PABPC4: variants seen among roughly 807,000 people sequenced by gnomAD.
The protein encoded by PABPC4 is poly(A) binding protein cytoplasmic 4, also known as polyadenylate-binding protein 4.
PABPC4 carries 15 observed loss-of-function variants against 74.5 expected under a neutral mutation model. That is an observed-to-expected ratio of 0.20 (90% CI 0.13 to 0.31). PABPC4 has a LOEUF of 0.31. PABPC4 is among the 10% of genes least tolerant of loss of function. The probability of loss-of-function intolerance (pLI) is 1.00; values close to 1 mark genes in which losing one functional copy is unlikely to be tolerated. For synonymous variants in PABPC4, 345 were observed against 303.0 expected (o/e 1.14, Z -1.44); for missense variants, 610 against 853.5 (o/e 0.71, Z 3.55).
chr1:39,571,053 T>C (rs1645932937), intron 3 of PABPC4, 181 bp downstream of exon 3: 2 of 1,480,956 alleles, frequency 1.4e-6, no homozygotes, highest in African/African-American at 2.8e-5. Context: ...AAGCCCACCT[T>C]GGCGAGTCAA....
Position 39,563,696 on chromosome 1 carries a change from G to T in PABPC4, c.1586C>A (p.Ala529Asp). The part of the protein sequence containing the change: ...VQNLAPRAAV[A>D]AAAPRAVAPY... The stretch of plus-strand genomic sequence containing the variant: ...GGCAACAGCCCGGGGAGCAGCAGCA[G>T]CAACAGCAGCGCGTGGCGCTAAGTT... The change falls in exon 12 of 16, where the codon GCT (alanine) becomes GAT (aspartate). Residue 529 changes from alanine to aspartate, a missense_variant. Physicochemically the swap from Ala to Asp is moderately radical, Grantham distance 126. Transcript: ENST00000372858. 6.2e-7 allele frequency: 1 copy of T among 1,614,276 alleles called. No homozygotes were observed. The highest frequency in any genetic ancestry group is 8.5e-7 in the Non-Finnish European group (1 of 1,180,044).
intron 1 of PABPC4, among the ~76,000 whole-genome samples, chr1:39,574,293 A>G (rs1557720900): frequency 6.6e-6 from 1 of 152,200 alleles, no homozygotes; most frequent in Non-Finnish European, 1.5e-5. Flanking sequence ...CTGGGATCGC[A>G]AACTATTTCA....
intron 9 of PABPC4, 36 bp from the exon 10 acceptor site, chr1:39,564,578 G>C: frequency 6.2e-7 from 1 of 1,613,550 alleles, no homozygotes; most frequent in Non-Finnish European, 8.5e-7. Context: ...ATTGAGAAGT[G>C]ATGTGGACCA....
intron 12 of PABPC4, 152 bp downstream of exon 12, chr1:39,563,462 G>T: frequency 1.0e-6 from 1 of 982,494 alleles, no homozygotes; most frequent in Non-Finnish European, 1.5e-6. Flanking sequence ...CCACTAGTGA[G>T]CCCCTGAAGG....
chr1:39,563,266 G>A (rs1395092260), intron 12 of PABPC4: 1 of 240,408 alleles, frequency 4.2e-6, no homozygotes, highest in East Asian at 1.1e-4. Flanking sequence ...CTGCATTAAT[G>A]TACCAATCAT....
intron 3 of PABPC4, chr1:39,570,476 T>C (rs539002999): frequency 6.4e-6 from 1 of 156,680 alleles, no homozygotes; most frequent in Non-Finnish European, 1.4e-5. Flanking sequence ...GTATTTCTTT[T>C]TAGTGATATC....
chr1:39,574,277 A>G (rs555149442), intron 1 of PABPC4, among the ~76,000 whole-genome samples: 1 of 150,442 alleles, frequency 6.6e-6, no homozygotes, highest in African/African-American at 2.4e-5. Context: ...TATCAGAGAT[A>G]GATAGCTGGG....
Position 39,562,091 on chromosome 1 carries a change from G to C in PABPC4, c.1875C>G (p.Pro625=). The C allele has an allele frequency of 6.2e-7, 1 of 1,613,116 alleles. No homozygotes were observed. The highest frequency in any genetic ancestry group is 2.2e-5 in the East Asian group (1 of 44,888). Residue 625 remains proline, a synonymous_variant, in exon 14 of 16, where the codon CCC becomes CCG. Coordinates refer to ENST00000372858, the MANE Select transcript of PABPC4 (RefSeq NM_001135653.2). ...AGCTCACCTTGGAGCGGAGAGACTC[G>C]GGGGACTCTAACATGTGCAGCAGCT... is the stretch of plus-strand genomic sequence containing the variant. ...NSELLHMLES[P]ESLRSKVDEA...
rs775330184 is a variant in PABPC4 at position 39,565,161 on chromosome 1, A to G, written c.1190T>C (p.Ile397Thr). Residue 397 changes from isoleucine to threonine, a missense_variant, in exon 8 of 16, where the codon ATC becomes ACC. This residue lies in a region of PABPC4 where 277 missense variants were observed against 301.8 expected (regional missense o/e 0.92). Coordinates refer to ENST00000372858, the MANE Select transcript of PABPC4 (RefSeq NM_001135653.2). ...AGMRALPANA[I>T]LNQFQPAAGG... is the part of the protein sequence containing the mutation. ...CGCTGCAGGCTGGAACTGATTTAAG[A>G]TGGCATTGGCAGGAAGTGCTCTCAT... is the stretch of plus-strand genomic sequence containing the variant. 4 of 1,614,178 alleles carry G rather than the reference A, an allele frequency of 2.5e-6. No homozygotes were observed. Among genetic ancestry groups the G allele is most frequent in the Non-Finnish European group, 8.5e-7 (1 of 1,180,042 alleles).
At position 39,572,441 on chromosome 1, in the gene PABPC4, C is replaced by T. The variant is rs1158923870; in HGVS notation, c.339G>A (p.Lys113=). Residue 113 remains lysine, a synonymous_variant, in exon 2 of 16, where the codon AAG becomes AAA. Transcript: ENST00000372858. ...IKNLDKSIDN[K]ALYDTFSAFG... ...AAGCAGAAAAAGTATCATAAAGTGC[C>T]TTGTTATCTATAGATTTGTCCAGGT... 1.2e-6 allele frequency: 2 copies of T among 1,613,916 alleles called. No individual in the cohort carries two copies. Among genetic ancestry groups the T allele is most frequent in the Non-Finnish European group, 8.5e-7 (1 of 1,179,958 alleles).
chr1:39,570,118 TCCA>T lies in PABPC4; in HGVS notation c.504-119_504-117del, dbSNP rs1000057139. ...GAGAGGTTAAAACACGAGATCCCCA[TCCA>T]CCACCAAGGAGGCTCAGAGATACCC... On this transcript the variant is annotated intron_variant, in intron 3 of 15. Transcript: ENST00000372858. The T allele has an allele frequency of 1.5e-5, 15 of 1,016,540 alleles. No individual in the cohort carries two copies. In the African/African-American group the frequency reaches 2.4e-4, roughly 16 times the overall value. The allele number at this position is 1,016,540 out of a possible 1,614,324, so 63.0% of individuals were successfully genotyped here.
chr1:39,568,647 A>C, intron 6 of PABPC4, 155 bp downstream of exon 6: 1 of 661,748 alleles, frequency 1.5e-6, no homozygotes, highest in Non-Finnish European at 2.6e-6. Context: ...AGTCATATGT[A>C]GTAGGTATAT....
Position 39,561,891 on chromosome 1 carries a change from C to G in PABPC4, c.1894-104G>C, listed in dbSNP as rs147713450. On this transcript the variant is annotated intron_variant, in intron 14 of 15. Transcript: ENST00000372858. ...CCAAAGCCAACTGTACAGATGATCCCTAGGCTTCTGGTGCTAACTACTTTC... is the reference window on the plus strand; with the variant it reads ...CCAAAGCCAACTGTACAGATGATCCGTAGGCTTCTGGTGCTAACTACTTTC... 163 of 1,207,378 alleles carry G rather than the reference C, an allele frequency of 1.4e-4. No homozygotes were observed. The African/African-American group carries it at 1.8e-3, about 13-fold the overall frequency. 74.8% of individuals were successfully genotyped at this position (1,207,378 alleles called of 1,614,324 possible).
intron 1 of PABPC4, among the ~76,000 whole-genome samples, chr1:39,574,219 A>C (rs539957985): frequency 2.0e-5 from 3 of 152,358 alleles, no homozygotes; most frequent in Admixed American, 6.5e-5. Context: ...GACAAGACCG[A>C]TCCAAGTCAG....
intron 6 of PABPC4, chr1:39,568,257 GAAAAAA>G (rs201261264): frequency 1.2e-4 from 16 of 135,140 alleles, no homozygotes; most frequent in Admixed American, 5.0e-4. Flanking sequence ...ACTGTCTCAA[GAAAAAA>G]AAAAAAAAAA....
Position 39,576,124 on chromosome 1 carries a change from G to C in PABPC4, c.-173C>G. On this transcript the variant is annotated 5_prime_UTR_variant, in exon 1 of 16. Transcript: ENST00000372858. ...TGGAGACGGGACGGAAACGGGAGGC[G>C]GGGGCCGGCTCCCACGGCCGCAGCA... 1 of 516,986 alleles carries C rather than the reference G, an allele frequency of 1.9e-6. No homozygotes were observed. Among genetic ancestry groups the C allele is most frequent in the East Asian group, 3.4e-5 (1 of 29,128 alleles). The allele number at this position is 516,986 out of a possible 1,614,324, so 32.0% of individuals were successfully genotyped here. A position where few individuals can be genotyped will look rare whatever the true frequency, so the allele number is the denominator to read the frequency against.
chr1:39,575,643 C>G, intron 1 of PABPC4, 116 bp downstream of exon 1: 3 of 792,762 alleles, frequency 3.8e-6, no homozygotes, highest in Non-Finnish European at 5.7e-6. Context: ...CTGCTCCCAG[C>G]TTCGGTGGCA....
chr1:39,564,998 T>C, intron 8 of PABPC4, 108 bp downstream of exon 8: 3 of 1,226,970 alleles, frequency 2.4e-6, no homozygotes, highest in South Asian at 2.8e-5. Context: ...GAAGGGTCCT[T>C]ATTGTGACAT....
At position 39,576,775 on chromosome 1, in the gene PABPC4, C is replaced by G. The variant is rs1646032647; in HGVS notation, c.-824G>C. ...CCGAAAGCGGCGGAGGCGGCAGCGA[C>G]CCGGGGCGGAGAGAGGCGGCCGAGG... On this transcript the variant is annotated 5_prime_UTR_variant, in exon 1 of 16. Coordinates refer to ENST00000372858, the MANE Select transcript of PABPC4 (RefSeq NM_001135653.2). 1 of 149,916 alleles carries G rather than the reference C, an allele frequency of 6.7e-6. No individual in the cohort carries two copies. Among genetic ancestry groups the G allele is most frequent in the South Asian group, 2.1e-4 (1 of 4,822 alleles). 9.3% of individuals were successfully genotyped at this position (149,916 alleles called of 1,614,324 possible).
Sources: allele counts gnomAD v4.1 joint callset (sites outside exome capture counted in the v4.1 genomes callset), GRCh38; gene constraint gnomAD v4.1.1; regional missense constraint gnomAD v4.1.1; transcripts MANE v1.5; gene names NCBI Gene and HGNC (gene_info 2026-07-23, HGNC 2026-07-21).